ZNF121: variants seen among roughly 807,000 people sequenced by gnomAD.
ZNF121 encodes zinc finger protein 121.
A neutral mutation model predicts 2.4 loss-of-function variants in ZNF121; 1 was observed. The observed-to-expected ratio is 0.41, with a 90% confidence interval of 0.15 to 1.94. ZNF121 has a LOEUF of 1.94. Ranked by LOEUF, ZNF121 falls within the 30% of genes most tolerant of loss-of-function variation. The pLI is 0.30. For missense variants in ZNF121, 369 were observed against 466.3 expected (o/e 0.79, Z 1.92); for synonymous variants, 173 against 158.6 (o/e 1.09, Z -0.68).
chr19:9,569,193 A>G (rs942083528), intron 1 of ZNF121, 111 bp from the exon 2 acceptor site: 2 of 152,256 alleles, frequency 1.3e-5, no homozygotes, highest in African/African-American at 4.8e-5. Context: ...CTATTTTAAA[A>G]GAGCTCAAAT....
Position 9,566,800 on chromosome 19 carries a change from C to A in ZNF121, c.313G>T (p.Ala105Ser), listed in dbSNP as rs148513848. The stretch of plus-strand genomic sequence containing the variant: ...TCTCCATTGTGAGTTATCCTATTTG[C>A]CTGAAGATGTGACTGATCAACAAAG... The part of the protein sequence containing the change: ...EAFVDQSHLQ[A>S]NRITHNGETL... Residue 105 changes from alanine (A) to serine (S), a missense_variant, in exon 4 of 4, where the codon GCA becomes TCA. Around this residue, in one of 4 missense-constraint regions of ZNF121, gnomAD observed 168 missense variants for 162.3 expected, o/e 1.03. Transcript: ENST00000320451. 5 of 1,614,006 alleles carry A rather than the reference C, an allele frequency of 3.1e-6. No homozygotes were observed. The African/African-American group carries it at 6.7e-5, about 22-fold the overall frequency.
In ZNF121 at chr19:9,564,325, T is replaced by C. The variant is rs1013678330; in HGVS notation, c.*1615A>G. ...AGGCTACAGTGTGCTCTCATCGTGC[T>C]GGTGAATACCCACTTGTACTCCAGC... is the stretch of plus-strand genomic sequence containing the variant. On this transcript the variant is annotated 3_prime_UTR_variant, in exon 4 of 4. Coordinates refer to ENST00000320451, the MANE Select transcript of ZNF121 (RefSeq NM_001008727.5). 1.3e-5 allele frequency: 2 copies of C among 152,152 alleles called. No homozygotes were observed. Among genetic ancestry groups the C allele is most frequent in the Non-Finnish European group, 2.9e-5 (2 of 68,038 alleles). 9.4% of individuals were successfully genotyped at this position (152,152 alleles called of 1,614,324 possible).
intron 1 of ZNF121, among the ~76,000 whole-genome samples, chr19:9,577,289 A>C (rs985118689): frequency 2.0e-5 from 3 of 151,864 alleles, no homozygotes; most frequent in African/African-American, 7.3e-5. Context: ...ACTAAAAAAA[A>C]ACACAAAAGT....
chr19:9,566,132 G>A lies in ZNF121; in HGVS notation c.981C>T (p.Leu327=), dbSNP rs1207792911. The A allele has an allele frequency of 6.2e-7, 1 of 1,613,680 alleles. No individual in the cohort carries two copies. Among genetic ancestry groups the A allele is most frequent in the African/African-American group, 1.3e-5 (1 of 74,840 alleles). ...CAGTGTGAGTTCTTATATGTTCAATGAGTTGTGAAGATGTAGCAAAGGCTT... is the reference window on the plus strand; with the variant it reads ...CAGTGTGAGTTCTTATATGTTCAATAAGTTGTGAAGATGTAGCAAAGGCTT... The part of the protein sequence containing the change: ...CGKAFATSSQ[L]IEHIRTHTGE... Residue 327 remains leucine (L), a synonymous_variant, in exon 4 of 4, where the codon CTC becomes CTT. Coordinates refer to ENST00000320451, the MANE Select transcript of ZNF121 (RefSeq NM_001008727.5).
At chr19:9,567,148 C>T (rs1423298206) in intron 3 of ZNF121, 39 bp from the exon 4 acceptor site, 1 of 1,528,752 alleles carries the variant, frequency 6.5e-7, no homozygotes. Flanking sequence ...AAGGATTTTT[C>T]AGATTTATCA....
intron 1 of ZNF121, among the ~76,000 whole-genome samples, chr19:9,573,637 G>A (rs148287279): frequency 5.9e-5 from 9 of 152,186 alleles, no homozygotes; most frequent in Admixed American, 3.3e-4. Flanking sequence ...TAAATATCCA[G>A]GTACAGGAAG....
intron 1 of ZNF121, among the ~76,000 whole-genome samples, chr19:9,575,831 A>G (rs767576123): frequency 2.0e-5 from 3 of 152,226 alleles, no homozygotes; most frequent in Non-Finnish European, 4.4e-5. Context: ...TTATGCACCC[A>G]ACACTGGAGC....
intron 1 of ZNF121, among the ~76,000 whole-genome samples, chr19:9,583,274 TG>T (rs113734166): frequency 2.0e-5 from 3 of 150,922 alleles, no homozygotes; most frequent in African/African-American, 7.3e-5. Flanking sequence ...TGAAGCTCTG[TG>T]GGGGGGTACA....
intron 1 of ZNF121, among the ~76,000 whole-genome samples, chr19:9,577,202 G>A (rs1037049233): frequency 1.3e-5 from 2 of 152,150 alleles, no homozygotes; most frequent in African/African-American, 2.4e-5. Flanking sequence ...CCAGCACTTT[G>A]GGAGGCTGAG....
intron 1 of ZNF121, among the ~76,000 whole-genome samples, chr19:9,570,141 G>C (rs2074163574): frequency 1.3e-5 from 2 of 152,040 alleles, no homozygotes; most frequent in African/African-American, 4.8e-5. Context: ...AGGAAGCAGA[G>C]GCTGCAGTGA....
In ZNF121 at chr19:9,564,798, T is replaced by A. The variant is rs2074119124; in HGVS notation, c.*1142A>T. 1 of 152,252 alleles carries A rather than the reference T, an allele frequency of 6.6e-6. No homozygotes were observed. The highest frequency in any genetic ancestry group is 2.4e-5 in the African/African-American group (1 of 41,446). 9.4% of individuals were successfully genotyped at this position (152,252 alleles called of 1,614,324 possible). A position where few individuals can be genotyped will look rare whatever the true frequency, so the allele number is the denominator to read the frequency against. ...TAAAATGTTATCAAACAGCGTCGAA[T>A]GCTAAAGAGAAGTTTTTCATGTAAT... is the stretch of plus-strand genomic sequence containing the variant. On this transcript the variant is annotated 3_prime_UTR_variant, in exon 4 of 4. Transcript: ENST00000320451.
chr19:9,566,897 G>A lies in ZNF121; in HGVS notation c.216C>T (p.Ser72=). Reference sequence around the variant, plus strand: ...TTCTCTGGTGAACATTTGGTGGCAGGCTGAAGGCTTTTCTGCACTGATTCA... The same window carrying A: ...TTCTCTGGTGAACATTTGGTGGCAGACTGAAGGCTTTTCTGCACTGATTCA... ...SVLNQCRKAF[S]LPPNVHQRTW... The change falls in exon 4 of 4, where the codon AGC becomes AGT. Residue 72 remains serine, a synonymous_variant. Transcript: ENST00000320451. 2 of 1,614,182 alleles carry A rather than the reference G, an allele frequency of 1.2e-6. No individual in the cohort carries two copies. Among genetic ancestry groups the A allele is most frequent in the African/African-American group, 1.3e-5 (1 of 75,056 alleles).
intron 1 of ZNF121, among the ~76,000 whole-genome samples, chr19:9,580,220 A>T (rs960791063): frequency 6.6e-6 from 1 of 152,032 alleles, no homozygotes; most frequent in Non-Finnish European, 1.5e-5. Flanking sequence ...TGAACTCGGG[A>T]GGCAGAGTTT....
chr19:9,568,152 A>G lies in ZNF121; in HGVS notation c.-55T>C. ...AAAAAAAAATGTTGTTGAGGTGCTGACACTTTGGTTTTAACTTGCCATTCT... is the reference window on the plus strand; with the variant it reads ...AAAAAAAAATGTTGTTGAGGTGCTGGCACTTTGGTTTTAACTTGCCATTCT... On this transcript the variant is annotated 5_prime_UTR_variant, in exon 3 of 4. Coordinates refer to ENST00000320451, the MANE Select transcript of ZNF121 (RefSeq NM_001008727.5). The G allele has an allele frequency of 6.6e-7, 1 of 1,506,012 alleles. No individual in the cohort carries two copies. Among genetic ancestry groups the G allele is most frequent in the Admixed American group, 1.9e-5 (1 of 52,764 alleles). The allele number at this position is 1,506,012 out of a possible 1,614,324, so 93.3% of individuals were successfully genotyped here. A position where few individuals can be genotyped will look rare whatever the true frequency, so the allele number is the denominator to read the frequency against.
intron 1 of ZNF121, among the ~76,000 whole-genome samples, chr19:9,573,223 T>C (rs537800418): frequency 3.9e-5 from 6 of 152,248 alleles, no homozygotes; most frequent in Admixed American, 2.6e-4. Flanking sequence ...GTGAGCTCCC[T>C]AAGAATTCAA....
chr19:9,578,047 A>AG (rs1457649477), intron 1 of ZNF121, among the ~76,000 whole-genome samples: 2 of 143,614 alleles, frequency 1.4e-5, no homozygotes, highest in Non-Finnish European at 2.9e-5. Context: ...AAATACAAAA[A>AG]AAAAAAAAAA....
chr19:9,576,616 T>A (rs1250742805), intron 1 of ZNF121, among the ~76,000 whole-genome samples: 2 of 151,312 alleles, frequency 1.3e-5, no homozygotes, highest in African/African-American at 4.9e-5. Flanking sequence ...ATCAAAAGGA[T>A]AAAGACCACA....
chr19:9,571,034 G>A (rs1230479142), intron 1 of ZNF121, among the ~76,000 whole-genome samples: 1 of 152,176 alleles, frequency 6.6e-6, no homozygotes, highest in Admixed American at 6.5e-5. Flanking sequence ...AGAGATCTGT[G>A]GTGGTGGCTA....
rs1251045178 is a variant in ZNF121, at chr19:9,566,517, G to C, written c.596C>G (p.Pro199Arg). Reference protein sequence around the residue: ...EHVRIHTGEKPYQCKECGRAF... With the variant: ...EHVRIHTGEKRYQCKECGRAF... ...TCTTCCACATTCCTTACATTGATAA[G>C]GTTTCTCTCCAGTATGAATTCTTAC... is the stretch of plus-strand genomic sequence containing the variant. Residue 199 changes from proline to arginine, a missense_variant, in exon 4 of 4, where the codon CCT becomes CGT. Pro to Arg is a moderately radical substitution (Grantham distance 103, BLOSUM62 -2). Around this residue, in one of 4 missense-constraint regions of ZNF121, gnomAD observed 68 missense variants for 105.5 expected, o/e 0.64. Transcript: ENST00000320451. 6.2e-7 allele frequency: 1 copy of C among 1,614,048 alleles called. No homozygotes were observed. The highest frequency in any genetic ancestry group is 8.5e-7 in the Non-Finnish European group (1 of 1,180,034).
Sources: gnomAD v4.1 joint callset for allele counts (sites outside exome capture counted in the v4.1 genomes callset) on GRCh38, gnomAD v4.1.1 for gene constraint, gnomAD v4.1.1 regional missense constraint, MANE v1.5 for transcripts, NCBI Gene and HGNC (gene_info 2026-07-23, HGNC 2026-07-21) for gene names.